The following NCOA2 variants were observed in gnomAD, a reference collection of about 807,000 sequenced individuals.
NCOA2 encodes the protein nuclear receptor coactivator 2.
Under a neutral mutation model 145.1 loss-of-function variants are expected in NCOA2, and 21 were observed. The ratio of observed to expected loss-of-function variants is 0.14; its 90% CI spans 0.10 to 0.21. The LOEUF is 0.21. NCOA2 is among the 10% of genes least tolerant of loss of function. The pLI is 1.00. For missense variants in NCOA2, 1,472 were observed against 1,837.6 expected (o/e 0.80, Z 3.64); for synonymous variants, 619 against 637.5 (o/e 0.97, Z 0.44).
At chr8:70,332,399 T>C (rs890017549) in intron 1 of NCOA2, among the ~76,000 whole-genome samples, 2 of 152,178 alleles carry the variant, frequency 1.3e-5, no homozygotes, top group South Asian at 4.1e-4. Flanking sequence ...TACTACAATA[T>C]ATTATAATAT....
intron 2 of NCOA2, among the ~76,000 whole-genome samples, chr8:70,239,786 G>C (rs1296232400): frequency 6.6e-6 from 1 of 152,114 alleles, no homozygotes. Flanking sequence ...CAGCTAAAAA[G>C]ACACATAGGA....
At chr8:70,336,622 AAG>A (rs913351616) in intron 1 of NCOA2, among the ~76,000 whole-genome samples, 1 of 151,838 alleles carries the variant, frequency 6.6e-6, no homozygotes, top group South Asian at 2.1e-4. Flanking sequence ...GGGAGAGAGA[AAG>A]AGAGAGAGAA....
rs553129934 is a variant in NCOA2 at position 70,171,686 on chromosome 8, C to G, written c.364-1307G>C. ...ATTACAATTTTATCTTTTTTGGAGA[C>G]AAGGTCTTGCTCTCCGCCCAGCCTG... On this transcript the variant is annotated intron_variant, in intron 5 of 22. Coordinates refer to ENST00000452400, the MANE Select transcript of NCOA2 (RefSeq NM_006540.4). Among the ~76,000 whole-genome samples the G allele has an allele frequency of 2.0e-5, 3 of 152,274 alleles. No individual in the cohort carries two copies. In the South Asian group the frequency reaches 6.2e-4, roughly 32 times the overall value.
At chr8:70,153,693 G>C (rs1262398800) in intron 11 of NCOA2, among the ~76,000 whole-genome samples, 5 of 151,932 alleles carry the variant, frequency 3.3e-5, no homozygotes, top group Non-Finnish European at 1.5e-5. Context: ...TTCTAATCTA[G>C]TACACCTCAA....
chr8:70,347,593 C>T (rs1332083167), intron 1 of NCOA2, among the ~76,000 whole-genome samples: 12 of 152,004 alleles, frequency 7.9e-5, no homozygotes, highest in African/African-American at 2.9e-4. Context: ...GAGGTCAAGG[C>T]TGCAATCAAT....
chr8:70,270,087 T>A (rs1186368191), intron 2 of NCOA2, among the ~76,000 whole-genome samples: 2 of 151,248 alleles, frequency 1.3e-5, no homozygotes, highest in Non-Finnish European at 2.9e-5. Context: ...GAGGCTGCGG[T>A]GGGAGAATCA....
At chr8:70,255,772 T>C (rs570710780) in intron 2 of NCOA2, among the ~76,000 whole-genome samples, 9 of 152,250 alleles carry the variant, frequency 5.9e-5, no homozygotes, top group South Asian at 2.1e-4. Flanking sequence ...GCACCAGAGA[T>C]TGAAGCATGC....
At chr8:70,313,895 G>A (rs953142792) in intron 1 of NCOA2, among the ~76,000 whole-genome samples, 4 of 152,128 alleles carry the variant, frequency 2.6e-5, no homozygotes, top group African/African-American at 7.2e-5. Flanking sequence ...TGCTGGCCGG[G>A]CAAGGCGGCT....
intron 22 of NCOA2, among the ~76,000 whole-genome samples, chr8:70,115,653 G>C (rs541392022): frequency 5.6e-4 from 85 of 152,194 alleles, no homozygotes; most frequent in African/African-American, 2.0e-3. Flanking sequence ...GTAAATACAA[G>C]TAATTACAAG....
chr8:70,378,757 A>AC (rs1811910203), intron 1 of NCOA2, among the ~76,000 whole-genome samples: 2 of 151,854 alleles, frequency 1.3e-5, no homozygotes, highest in African/African-American at 2.4e-5. Flanking sequence ...AAAAAAAAAA[A>AC]AAAAAACATA....
At chr8:70,244,468 T>C (rs16936846) in intron 2 of NCOA2, among the ~76,000 whole-genome samples, 2 of 152,132 alleles carry the variant, frequency 1.3e-5, no homozygotes, top group East Asian at 3.9e-4. Flanking sequence ...ATAAGATCAA[T>C]CTGAGAAAGT....
chr8:70,365,279 C>T (rs1810590869), intron 1 of NCOA2, among the ~76,000 whole-genome samples: 1 of 152,282 alleles, frequency 6.6e-6, no homozygotes, highest in Non-Finnish European at 1.5e-5. Context: ...CTGCAGTGAG[C>T]CACGATCGCA....
intron 4 of NCOA2, among the ~76,000 whole-genome samples, chr8:70,212,850 G>A (rs566627236): frequency 1.3e-5 from 2 of 152,198 alleles, no homozygotes; most frequent in Non-Finnish European, 2.9e-5. Flanking sequence ...GGGAGGCCGA[G>A]GCAGGAGGGT....
intron 1 of NCOA2, among the ~76,000 whole-genome samples, chr8:70,324,549 C>A (rs1806383105): frequency 6.6e-6 from 1 of 151,942 alleles, no homozygotes; most frequent in Admixed American, 6.6e-5. Context: ...ACTATGTTGT[C>A]AAGGCTGGTC....
intron 1 of NCOA2, among the ~76,000 whole-genome samples, chr8:70,373,874 T>C (rs887851563): frequency 8.5e-5 from 13 of 152,238 alleles, no homozygotes; most frequent in Admixed American, 2.0e-4. Flanking sequence ...TGTTTATTAT[T>C]ATGGTAAGAC....
intron 1 of NCOA2, among the ~76,000 whole-genome samples, chr8:70,400,565 G>A (rs1003742738): frequency 2.0e-5 from 3 of 152,134 alleles, no homozygotes; most frequent in South Asian, 2.1e-4. Flanking sequence ...AACAAATGGT[G>A]GGGGGTTTTG....
chr8:70,444,773 A>G, the NCOA2 span, among the ~76,000 whole-genome samples: 1 of 152,212 alleles, frequency 6.6e-6, no homozygotes, highest in Admixed American at 6.5e-5. Context: ...TAGAATGCAG[A>G]TCTTTGAAAG....
intron 22 of NCOA2, 27 bp downstream of exon 22, chr8:70,121,275 T>G: frequency 6.4e-7 from 1 of 1,573,196 alleles, no homozygotes; most frequent in South Asian, 1.1e-5. Context: ...TACTTCCATA[T>G]TCATATATTT....
rs1806501856 is a variant in NCOA2, at chr8:70,111,121, G to A, written c.*2511C>T. 2 of 220,338 alleles carry A rather than the reference G, an allele frequency of 9.1e-6. No individual in the cohort carries two copies. The highest frequency in any genetic ancestry group is 1.3e-4 in the East Asian group (2 of 14,884). 13.6% of individuals were successfully genotyped at this position (220,338 alleles called of 1,614,324 possible). A position where few individuals can be genotyped will look rare whatever the true frequency, so the allele number is the denominator to read the frequency against. ...CCATTACCTGATTGAAACCGTAAGAGAATTTATCATCTCTTTTCCTTCAAA... is the reference window on the plus strand; with the variant it reads ...CCATTACCTGATTGAAACCGTAAGAAAATTTATCATCTCTTTTCCTTCAAA... On this transcript the variant is annotated 3_prime_UTR_variant, in exon 23 of 23. Transcript: ENST00000452400.
Sources: allele counts gnomAD v4.1 joint callset (sites outside exome capture counted in the v4.1 genomes callset), GRCh38; gene constraint gnomAD v4.1.1; transcripts MANE v1.5; gene names NCBI Gene and HGNC (gene_info 2026-07-23, HGNC 2026-07-21).